The following SYT17 variants were observed in gnomAD, a reference collection of about 807,000 sequenced individuals.
SYT17 encodes the protein synaptotagmin 17.
Under a neutral mutation model 46.7 loss-of-function variants are expected in SYT17, and 22 were observed. That is an observed-to-expected ratio of 0.47 (90% CI 0.34 to 0.67). The LOEUF is 0.67. Ranked by LOEUF, SYT17 falls within the 30% of genes least tolerant of loss-of-function variation. SYT17 has a pLI of 0.01. For synonymous variants in SYT17, 251 were observed against 248.4 expected (o/e 1.01, Z -0.10); for missense variants, 519 against 612.8 (o/e 0.85, Z 1.62).
At chr16:19,264,348 G>A (rs897490863) in intron 7 of SYT17, among the ~76,000 whole-genome samples, 1 of 152,182 alleles carries the variant, frequency 6.6e-6, no homozygotes, top group African/African-American at 2.4e-5. Context: ...ACAAAAACAG[G>A]TAGTAGTCCA....
Position 19,267,954 on chromosome 16 carries a change from G to GTGTA in SYT17, c.*881_*882insATGT, listed in dbSNP as rs1228590543. 5.9e-5 allele frequency: 7 copies of GTGTA among 119,128 alleles called. No individual in the cohort carries two copies. Among genetic ancestry groups the GTGTA allele is most frequent in the Non-Finnish European group, 1.3e-4 (7 of 54,784 alleles). The allele number at this position is 119,128 out of a possible 1,614,324, so 7.4% of individuals were successfully genotyped here. A position where few individuals can be genotyped will look rare whatever the true frequency, so the allele number is the denominator to read the frequency against. On this transcript the variant is annotated 3_prime_UTR_variant, in exon 8 of 8. Coordinates refer to ENST00000355377, the MANE Select transcript of SYT17 (RefSeq NM_016524.4). ...ATAAAAGTAGTGTGTGTGTGTGTGT[G>GTGTA]TGTGTGTGTGTGTGTGTGTAAAGTA...
At chr16:19,180,167 T>G in intron 3 of SYT17, 4 of 513,076 alleles carry the variant, frequency 7.8e-6, no homozygotes, top group Non-Finnish European at 1.1e-5. Context: ...TCTTGACAGA[T>G]TGTTCTAAAT....
intron 7 of SYT17, among the ~76,000 whole-genome samples, chr16:19,235,600 C>G (rs896162038): frequency 2.0e-5 from 3 of 152,124 alleles, no homozygotes; most frequent in Non-Finnish European, 2.9e-5. Flanking sequence ...TCAACAGATG[C>G]CAACCACAAG....
At chr16:19,266,794 T>C (rs1567243178) in intron 7 of SYT17, 86 bp from the exon 8 acceptor site, 1 of 1,233,018 alleles carries the variant, frequency 8.1e-7, no homozygotes, top group Non-Finnish European at 1.1e-6. Context: ...TGTAGACTAA[T>C]GGCCTCTTGT....
rs866079106 is a variant in SYT17 at position 19,252,539 on chromosome 16, A to T, written c.1229-14341A>T. The stretch of plus-strand genomic sequence containing the variant: ...TATACATATATATATACATATATAT[A>T]TTTTTTTTTAAATAACTTGAGGTCA... On this transcript the variant is annotated intron_variant, in intron 7 of 7. Transcript: ENST00000355377. Among the ~76,000 whole-genome samples the T allele has an allele frequency of 5.0e-4, 20 of 39,718 alleles. 1 individual carries two copies. Among genetic ancestry groups the T allele is most frequent in the African/African-American group, 1.0e-3 (12 of 11,966 alleles). The allele number at this position is 39,718 out of a possible 152,430, so 26.1% of individuals were successfully genotyped here.
chr16:19,258,606 C>A (rs543631882), intron 7 of SYT17, among the ~76,000 whole-genome samples: 1 of 152,106 alleles, frequency 6.6e-6, no homozygotes, highest in Non-Finnish European at 1.5e-5. Flanking sequence ...CATACCACTG[C>A]ACTCCAGCCT....
chr16:19,219,820 C>T (rs1269296644), intron 5 of SYT17, among the ~76,000 whole-genome samples: 1 of 152,136 alleles, frequency 6.6e-6, no homozygotes, highest in Non-Finnish European at 1.5e-5. Context: ...TATCCTTAGT[C>T]CTGGTACATA....
At position 19,252,390 on chromosome 16, in the gene SYT17, T is replaced by C. The variant is rs1259105069; in HGVS notation, c.1229-14490T>C. On this transcript the variant is annotated intron_variant, in intron 7 of 7. Coordinates refer to ENST00000355377, the MANE Select transcript of SYT17 (RefSeq NM_016524.4). ...ATATACATATATATACATATATATATATACATATATATACATATATATATA... is the reference window on the plus strand; with the variant it reads ...ATATACATATATATACATATATATACATACATATATATACATATATATATA... Among the ~76,000 whole-genome samples the C allele has an allele frequency of 6.7e-4, 13 of 19,356 alleles. 5 individuals carry two copies. Among genetic ancestry groups the C allele is most frequent in the Non-Finnish European group, 1.0e-3 (13 of 13,012 alleles). The allele number at this position is 19,356 out of a possible 152,430, so 12.7% of individuals were successfully genotyped here.
chr16:19,256,608 T>G (rs1344691879), intron 7 of SYT17, among the ~76,000 whole-genome samples: 1 of 151,428 alleles, frequency 6.6e-6, no homozygotes, highest in Non-Finnish European at 1.5e-5. Context: ...AGGCAGGGTC[T>G]TACTCTTTCG....
At chr16:19,219,408 CAAAAAAAAAAAAAAAAAAA>C (rs1245756343) in intron 5 of SYT17, among the ~76,000 whole-genome samples, 1 of 1,344 alleles carries the variant, frequency 7.4e-4, no homozygotes, top group Non-Finnish European at 1.2e-3. Flanking sequence ...GACTCCGTCT[CAAAAAAAAAAAAAAAAAAA>C]AAAAAAAAAA....
chr16:19,208,835 C>T (rs1202989868), intron 5 of SYT17, among the ~76,000 whole-genome samples: 1 of 150,474 alleles, frequency 6.6e-6, no homozygotes, highest in East Asian at 1.9e-4. Flanking sequence ...TAAGGCCTAC[C>T]CTACTCCAGT....
At chr16:19,203,229 G>A (rs1311430279) in intron 5 of SYT17, among the ~76,000 whole-genome samples, 2 of 151,990 alleles carry the variant, frequency 1.3e-5, no homozygotes, top group Non-Finnish European at 2.9e-5. Context: ...AGTGGCTCAC[G>A]CCTGTAATCC....
intron 5 of SYT17, among the ~76,000 whole-genome samples, chr16:19,214,729 A>G (rs888133952): frequency 6.6e-6 from 1 of 151,994 alleles, no homozygotes; most frequent in African/African-American, 2.4e-5. Context: ...TAAGGCTCTG[A>G]GGCCCCCAAG....
At chr16:19,255,615 C>T (rs372010122) in intron 7 of SYT17, among the ~76,000 whole-genome samples, 2 of 151,862 alleles carry the variant, frequency 1.3e-5, no homozygotes, top group Non-Finnish European at 2.9e-5. Context: ...AGCAAGACCC[C>T]ATGTCTAAAA....
At chr16:19,247,408 T>G (rs972614708) in intron 7 of SYT17, among the ~76,000 whole-genome samples, 1 of 152,204 alleles carries the variant, frequency 6.6e-6, no homozygotes, top group African/African-American at 2.4e-5. Flanking sequence ...GTTGGTCAAT[T>G]TTGATAGATA....
rs1055069795 is a variant in SYT17 at position 19,189,088 on chromosome 16, G to A, written c.951+4941G>A. Among the ~76,000 whole-genome samples, 34 of 152,078 alleles carry A rather than the reference G, an allele frequency of 2.2e-4. No individual in the cohort carries two copies. The South Asian group carries it at 3.1e-3, about 14-fold the overall frequency. ...ATTTTAGTAGAGATGGGGTTTCACC[G>A]TGTTAGCCAGGATGTTCTCAATCTC... On this transcript the variant is annotated intron_variant, in intron 5 of 7. Coordinates refer to ENST00000355377, the MANE Select transcript of SYT17 (RefSeq NM_016524.4).
chr16:19,230,685 G>A (rs753442062), intron 7 of SYT17, among the ~76,000 whole-genome samples: 3 of 152,140 alleles, frequency 2.0e-5, no homozygotes, highest in Admixed American at 1.3e-4. Context: ...GAATAGTTAG[G>A]CGTAATAGTT....
At chr16:19,212,443 A>C (rs1487538631) in intron 5 of SYT17, among the ~76,000 whole-genome samples, 1 of 152,090 alleles carries the variant, frequency 6.6e-6, no homozygotes, top group Non-Finnish European at 1.5e-5. Context: ...CAGCATGGTA[A>C]AACCCTATCT....
Position 19,190,791 on chromosome 16 carries a change from TG to T in SYT17, c.951+6645del, listed in dbSNP as rs1964984795. The stretch of plus-strand genomic sequence containing the variant: ...TCCTGTGTGTGTGTGTGTGTGTGTG[TG>T]TGTGTGTGTGTGTGTGTCATATTTT... On this transcript the variant is annotated intron_variant, in intron 5 of 7. Transcript: ENST00000355377. Among the ~76,000 whole-genome samples, 9 of 151,828 alleles carry T rather than the reference TG, an allele frequency of 5.9e-5. No individual in the cohort carries two copies. The South Asian group carries it at 1.7e-3, about 28-fold the overall frequency.
Sources: gnomAD v4.1 joint callset for allele counts (sites outside exome capture counted in the v4.1 genomes callset) on GRCh38, gnomAD v4.1.1 for gene constraint, MANE v1.5 for transcripts, NCBI Gene and HGNC (gene_info 2026-07-23, HGNC 2026-07-21) for gene names.